The following TGFBRAP1 variants were observed in gnomAD, a reference collection of about 807,000 sequenced individuals.
The protein encoded by TGFBRAP1 is transforming growth factor-beta receptor-associated protein 1.
Under a neutral mutation model 83.2 loss-of-function variants are expected in TGFBRAP1, and 20 were observed. The ratio of observed to expected loss-of-function variants is 0.24; its 90% CI spans 0.17 to 0.35. The LOEUF (loss-of-function observed/expected upper bound fraction) is 0.35, where lower values mean the gene tolerates loss of function less well. Among genes scored for constraint, TGFBRAP1 ranks in the 10% least tolerant of loss-of-function variants. The pLI is 1.00. For synonymous variants in TGFBRAP1, 415 were observed against 459.8 expected, an observed-to-expected ratio of 0.90 and a Z score of 1.25; for missense variants, 950 against 1,099.4, an observed-to-expected ratio of 0.86 and a Z score of 1.92.
At position 105,321,028 on chromosome 2, in the gene TGFBRAP1, G is replaced by A. The variant is rs955801849; in HGVS notation, c.-18+8597C>T. 9.8e-5 allele frequency among the ~76,000 whole-genome samples: 15 copies of A among 152,314 alleles called. No individual in the cohort carries two copies. The East Asian group carries it at 1.2e-3, about 12-fold the overall frequency. ...AGCCTCAGAATGGGCTCTGGGGGACGGCACAGATTCCCACACACTGGACTT... is the reference window on the plus strand; with the variant it reads ...AGCCTCAGAATGGGCTCTGGGGGACAGCACAGATTCCCACACACTGGACTT... On this transcript the variant is annotated intron_variant, in intron 1 of 11. Transcript: ENST00000393359.
At chr2:105,253,658 C>G in the TGFBRAP1 span, among the ~76,000 whole-genome samples, 1 of 152,098 alleles carries the variant, frequency 6.6e-6, no homozygotes, top group African/African-American at 2.4e-5. Flanking sequence ...TCATCTGGAA[C>G]TCCTCGGCTC....
the TGFBRAP1 span, among the ~76,000 whole-genome samples, chr2:105,253,144 G>A: frequency 7.9e-5 from 12 of 151,114 alleles, no homozygotes. Flanking sequence ...TTGTTTGCTT[G>A]TTTTTTGAGA....
intron 2 of TGFBRAP1, among the ~76,000 whole-genome samples, chr2:105,306,351 T>C (rs1678499649): frequency 6.6e-6 from 1 of 151,920 alleles, no homozygotes; most frequent in Non-Finnish European, 1.5e-5. Flanking sequence ...CGTGAGCCAC[T>C]GCGCCCAGCC....
chr2:105,261,253 G>C (rs1245685697), downstream of TGFBRAP1, among the ~76,000 whole-genome samples: 2 of 152,222 alleles, frequency 1.3e-5, no homozygotes, highest in African/African-American at 4.8e-5. Flanking sequence ...CAACCAGACA[G>C]AGGCAGGGGC....
At chr2:105,315,419 T>A (rs1415338488) in intron 1 of TGFBRAP1, among the ~76,000 whole-genome samples, 1 of 152,194 alleles carries the variant, frequency 6.6e-6, no homozygotes, top group Admixed American at 6.5e-5. Context: ...GACATGAGGA[T>A]AGACCAACAG....
intron 4 of TGFBRAP1, among the ~76,000 whole-genome samples, chr2:105,293,511 T>A (rs1041193980): frequency 6.6e-6 from 1 of 152,110 alleles, no homozygotes; most frequent in African/African-American, 2.4e-5. Flanking sequence ...AGGAGTGCAA[T>A]GGTGAAGAAG....
intron 10 of TGFBRAP1, among the ~76,000 whole-genome samples, chr2:105,270,398 T>C (rs899123110): frequency 7.2e-5 from 11 of 152,216 alleles, no homozygotes; most frequent in Middle Eastern, 3.4e-3. Flanking sequence ...TCCTACCCCA[T>C]CTGTAACCCC....
intron 7 of TGFBRAP1, among the ~76,000 whole-genome samples, chr2:105,276,576 T>C (rs140864157): frequency 2.9e-4 from 44 of 152,342 alleles, no homozygotes; most frequent in African/African-American, 9.4e-4. Flanking sequence ...CCATTTTATA[T>C]AAAATTCTAC....
intron 6 of TGFBRAP1, among the ~76,000 whole-genome samples, chr2:105,278,432 A>C (rs1677421987): frequency 6.6e-6 from 1 of 152,204 alleles, no homozygotes; most frequent in African/African-American, 2.4e-5. Context: ...AGGAAGTGCT[A>C]GTGTCCGGGA....
At position 105,264,800 on chromosome 2, in the gene TGFBRAP1, C is replaced by G. The variant is rs1466420778; in HGVS notation, c.*2583G>C. On this transcript the variant is annotated 3_prime_UTR_variant, in exon 12 of 12. Coordinates refer to ENST00000393359, the MANE Select transcript of TGFBRAP1 (RefSeq NM_004257.6). ...GTTCCAAAAACCAAATGGTATTGCC[C>G]ATAGAATATGAATGTAAACTGAGTT... The G allele has an allele frequency of 6.6e-6, 1 of 152,210 alleles. No homozygotes were observed. Among genetic ancestry groups the G allele is most frequent in the African/African-American group, 2.4e-5 (1 of 41,450 alleles). The allele number at this position is 152,210 out of a possible 1,614,324, so 9.4% of individuals were successfully genotyped here.
At chr2:105,323,388 T>C (rs541554823) in intron 1 of TGFBRAP1, among the ~76,000 whole-genome samples, 2 of 152,308 alleles carry the variant, frequency 1.3e-5, no homozygotes, top group Non-Finnish European at 2.9e-5. Context: ...TGGGACTCAG[T>C]GCAAACTCAG....
At chr2:105,326,187 T>C (rs529221056) in intron 1 of TGFBRAP1, among the ~76,000 whole-genome samples, 2 of 152,268 alleles carry the variant, frequency 1.3e-5, no homozygotes, top group South Asian at 4.1e-4. Context: ...TATATTTATA[T>C]ACACACACAT....
At chr2:105,289,408 T>A (rs972151097) in intron 4 of TGFBRAP1, among the ~76,000 whole-genome samples, 4 of 152,216 alleles carry the variant, frequency 2.6e-5, no homozygotes, top group African/African-American at 9.6e-5. Flanking sequence ...TTTTGAGGCA[T>A]TGAAAACGGA....
In TGFBRAP1 at chr2:105,314,195, A is replaced by G. The variant is rs543893756; in HGVS notation, c.-17-5877T>C. On this transcript the variant is annotated intron_variant, in intron 1 of 11. Coordinates refer to ENST00000393359, the MANE Select transcript of TGFBRAP1 (RefSeq NM_004257.6). ...CTTGCTCTCAGATTTCTACCCTCCA[A>G]AACTCTGAAGTAATATTTCTGTTGT... 2.6e-3 allele frequency among the ~76,000 whole-genome samples: 395 copies of G among 152,140 alleles called. 1 individual carries two copies. Among genetic ancestry groups the G allele is most frequent in the Middle Eastern group, 6.8e-3 (2 of 294 alleles).
rs1016402565 is a variant in TGFBRAP1, at chr2:105,267,244, C to T, written c.*139G>A. ...GGTCAGCAGCGAGGAGTCCTTGTTG[C>T]GTATGGACGGAAGGCTCCCTGGCAC... On this transcript the variant is annotated 3_prime_UTR_variant, in exon 12 of 12. Transcript: ENST00000393359. 54 of 1,108,518 alleles carry T rather than the reference C, an allele frequency of 4.9e-5. No homozygotes were observed. Among genetic ancestry groups the T allele is most frequent in the Non-Finnish European group, 6.2e-5 (49 of 793,290 alleles). 68.7% of individuals were successfully genotyped at this position (1,108,518 alleles called of 1,614,324 possible). A position where few individuals can be genotyped will look rare whatever the true frequency, so the allele number is the denominator to read the frequency against.
At chr2:105,286,398 G>A (rs1017069476) in intron 4 of TGFBRAP1, among the ~76,000 whole-genome samples, 2 of 152,124 alleles carry the variant, frequency 1.3e-5, no homozygotes, top group Admixed American at 6.6e-5. Flanking sequence ...TGTCTACTAC[G>A]ATCAATGCCT....
At position 105,269,151 on chromosome 2, in the gene TGFBRAP1, G is replaced by T; in HGVS notation, c.2406+121C>A. Reference sequence around the variant, plus strand: ...TCTATGAGTAGGATCAGATATTGATGTGTTGTAGTCATAGAGACAGAAAAA... The same window carrying T: ...TCTATGAGTAGGATCAGATATTGATTTGTTGTAGTCATAGAGACAGAAAAA... On this transcript the variant is annotated intron_variant, in intron 11 of 11. Coordinates refer to ENST00000393359, the MANE Select transcript of TGFBRAP1 (RefSeq NM_004257.6). The surrounding 1 kb of genome is among the most constrained non-coding windows in gnomAD (Gnocchi z 4.1). 8.2e-7 allele frequency: 1 copy of T among 1,223,562 alleles called. No individual in the cohort carries two copies. The highest frequency in any genetic ancestry group is 1.1e-6 in the Non-Finnish European group (1 of 904,776). 75.8% of individuals were successfully genotyped at this position (1,223,562 alleles called of 1,614,324 possible). A position where few individuals can be genotyped will look rare whatever the true frequency, so the allele number is the denominator to read the frequency against.
At chr2:105,299,265 A>G (rs1338830816) in intron 2 of TGFBRAP1, among the ~76,000 whole-genome samples, 1 of 152,210 alleles carries the variant, frequency 6.6e-6, no homozygotes, top group Non-Finnish European at 1.5e-5. Flanking sequence ...TGGGCGACAG[A>G]GTGAGAACCT....
At chr2:105,284,254 CG>C in intron 5 of TGFBRAP1, 61 bp downstream of exon 5, 2 of 1,515,092 alleles carry the variant, frequency 1.3e-6, no homozygotes, top group Non-Finnish European at 1.8e-6. Context: ...ACACCAGAAA[CG>C]CAGGTTCTGG....
Sources: allele counts gnomAD v4.1 joint callset (sites outside exome capture counted in the v4.1 genomes callset), GRCh38; gene constraint gnomAD v4.1.1; non-coding constraint Gnocchi (gnomAD v3.1); transcripts MANE v1.5; gene names NCBI Gene and HGNC (gene_info 2026-07-23, HGNC 2026-07-21).